OLFM3: variants seen among roughly 807,000 people sequenced by gnomAD.
OLFM3 encodes the protein olfactomedin 3, also known as noelin-3.
In OLFM3, 20 loss-of-function variants were observed where a neutral mutation model predicts 48.6. That is an observed-to-expected ratio of 0.41 (90% CI 0.29 to 0.60). OLFM3 has a LOEUF of 0.60. OLFM3 is among the 20% of genes least tolerant of loss of function. The probability of loss-of-function intolerance (pLI) is 0.28; values close to 1 mark genes in which losing one functional copy is unlikely to be tolerated. For missense variants in OLFM3, 437 were observed against 544.3 expected (o/e 0.80, Z 1.96); for synonymous variants, 222 against 198.1 (o/e 1.12, Z -1.01).
At chr1:101,940,862 C>T (rs1025960637) in intron 1 of OLFM3, among the ~76,000 whole-genome samples, 1 of 151,830 alleles carries the variant, frequency 6.6e-6, no homozygotes, top group African/African-American at 2.4e-5. Flanking sequence ...TTAAATCTAA[C>T]TGAATCCAAC....
Position 101,875,923 on chromosome 1 carries a change from G to T in OLFM3, c.70-38898C>A, listed in dbSNP as rs546506399. ...ACAAAATGATTTAACTTTCCTTGAA[G>T]AACAATTTGCACAAAAAATGAGGAA... is the stretch of plus-strand genomic sequence containing the variant. On this transcript the variant is annotated intron_variant, in intron 1 of 5. Coordinates refer to ENST00000370103, the MANE Select transcript of OLFM3 (RefSeq NM_058170.4). Among the ~76,000 whole-genome samples, 5 of 152,090 alleles carry T rather than the reference G, an allele frequency of 3.3e-5. No individual in the cohort carries two copies. The East Asian group carries it at 9.7e-4, about 29-fold the overall frequency.
intron 1 of OLFM3, among the ~76,000 whole-genome samples, chr1:101,933,226 A>AG (rs1659509798): frequency 6.7e-6 from 1 of 149,738 alleles, no homozygotes; most frequent in African/African-American, 2.4e-5. Flanking sequence ...AAAAAAAAAA[A>AG]AAAGAGAAAA....
chr1:101,821,021 G>C (rs1654585104), intron 4 of OLFM3, among the ~76,000 whole-genome samples: 1 of 151,982 alleles, frequency 6.6e-6, no homozygotes, highest in Non-Finnish European at 1.5e-5. Flanking sequence ...ATAGCAACTG[G>C]ATTATAGGCC....
intron 1 of OLFM3, chr1:101,847,020 TGCCGG>T: frequency 6.4e-7 from 1 of 1,566,612 alleles, no homozygotes; most frequent in Non-Finnish European, 8.7e-7. Flanking sequence ...AAGATCCCGG[TGCCGG>T]GCTGGCAGCG....
At chr1:101,878,122 C>T (rs1276906690) in intron 1 of OLFM3, among the ~76,000 whole-genome samples, 1 of 151,930 alleles carries the variant, frequency 6.6e-6, no homozygotes, top group South Asian at 2.1e-4. Flanking sequence ...GACCTTGAGA[C>T]TCTGAAAGTG....
intron 1 of OLFM3, among the ~76,000 whole-genome samples, chr1:101,986,132 A>T (rs1396599787): frequency 6.6e-6 from 1 of 151,722 alleles, no homozygotes; most frequent in Non-Finnish European, 1.5e-5. Context: ...CGCCCGGCTA[A>T]TTTTTTGTAT....
chr1:101,944,836 C>A (rs972552918), intron 1 of OLFM3, among the ~76,000 whole-genome samples: 4 of 151,422 alleles, frequency 2.6e-5, no homozygotes, highest in African/African-American at 9.7e-5. Flanking sequence ...GCCAAGATTG[C>A]CCCACTGCAC....
chr1:101,895,150 C>A (rs1658150170), intron 1 of OLFM3, among the ~76,000 whole-genome samples: 1 of 152,064 alleles, frequency 6.6e-6, no homozygotes, highest in Non-Finnish European at 1.5e-5. Context: ...CTTGTACATG[C>A]TGTATAACCT....
chr1:101,862,328 C>T (rs1479887370), intron 1 of OLFM3, among the ~76,000 whole-genome samples: 1 of 152,194 alleles, frequency 6.6e-6, no homozygotes, highest in East Asian at 1.9e-4. Context: ...CTCAGTGTTA[C>T]ATCCTTTGGT....
Position 101,950,039 on chromosome 1 carries a change from A to G in OLFM3, c.69+46709T>C, listed in dbSNP as rs530727976. On this transcript the variant is annotated intron_variant, in intron 1 of 5. Transcript: ENST00000370103. ...TGAGACTCCGTCTTAAAAAAAAAAA[A>G]AAAAAAAAAGAAAAAGCCTCTGATG... Among the ~76,000 whole-genome samples the G allele has an allele frequency of 2.6e-3, 395 of 151,624 alleles. 2 individuals carry two copies. Among genetic ancestry groups the G allele is most frequent in the African/African-American group, 9.1e-3 (379 of 41,426 alleles).
chr1:101,806,299 A>T, intron 4 of OLFM3, 117 bp from the exon 5 acceptor site: 1 of 719,034 alleles, frequency 1.4e-6, no homozygotes, highest in East Asian at 2.7e-5. Context: ...TGGAATTAAT[A>T]TCACATTTCT....
At chr1:101,877,051 T>C (rs907099700) in intron 1 of OLFM3, among the ~76,000 whole-genome samples, 4 of 152,026 alleles carry the variant, frequency 2.6e-5, no homozygotes, top group Non-Finnish European at 4.4e-5. Flanking sequence ...CTGAGCCATT[T>C]TGAAGAACAA....
At chr1:101,879,604 A>T (rs1408569952) in intron 1 of OLFM3, among the ~76,000 whole-genome samples, 1 of 151,860 alleles carries the variant, frequency 6.6e-6, no homozygotes, top group Non-Finnish European at 1.5e-5. Context: ...TGGCTGGAAT[A>T]TTACTAATTC....
chr1:101,936,971 T>G (rs1319036213), intron 1 of OLFM3, among the ~76,000 whole-genome samples: 2 of 152,196 alleles, frequency 1.3e-5, no homozygotes, highest in African/African-American at 4.8e-5. Flanking sequence ...ACTCAAGATG[T>G]ATTAAAGACA....
At chr1:101,854,613 G>T (rs1323890877) in intron 1 of OLFM3, among the ~76,000 whole-genome samples, 2 of 152,012 alleles carry the variant, frequency 1.3e-5, no homozygotes, top group Non-Finnish European at 2.9e-5. Flanking sequence ...AATGCAGAGT[G>T]GTGTGACAGA....
chr1:101,957,160 A>T (rs1660322709), intron 1 of OLFM3, among the ~76,000 whole-genome samples: 1 of 151,946 alleles, frequency 6.6e-6, no homozygotes, highest in Non-Finnish European at 1.5e-5. Flanking sequence ...AAAACCAATT[A>T]CATAGCTATG....
chr1:101,995,611 T>C (rs1315475017), intron 1 of OLFM3, among the ~76,000 whole-genome samples: 1 of 152,198 alleles, frequency 6.6e-6, no homozygotes, highest in African/African-American at 2.4e-5. Context: ...TATACTATAT[T>C]AGGCCTACAA....
chr1:101,812,524 G>T, intron 4 of OLFM3: 4 of 985,336 alleles, frequency 4.1e-6, no homozygotes, highest in Non-Finnish European at 4.8e-6. Context: ...ATGTTGATTA[G>T]TTGAAACCTG....
At chr1:101,984,940 A>G (rs1285455380) in intron 1 of OLFM3, among the ~76,000 whole-genome samples, 1 of 152,218 alleles carries the variant, frequency 6.6e-6, no homozygotes, top group Non-Finnish European at 1.5e-5. Context: ...GGTTTAGAAC[A>G]ACACAAATTT....
Sources: allele counts gnomAD v4.1 joint callset (sites outside exome capture counted in the v4.1 genomes callset), GRCh38; gene constraint gnomAD v4.1.1; transcripts MANE v1.5; gene names NCBI Gene and HGNC (gene_info 2026-07-23, HGNC 2026-07-21).